Variants in GPATCH2L observed in about 807,000 individuals in gnomAD.
GPATCH2L encodes the protein G patch domain-containing protein 2-like.
In GPATCH2L, 31 loss-of-function variants were observed where a neutral mutation model predicts 57.4. The ratio of observed to expected loss-of-function variants is 0.54; its 90% CI spans 0.41 to 0.73. The LOEUF is 0.73. GPATCH2L is among the 30% of genes least tolerant of loss of function. The probability of loss-of-function intolerance (pLI) is 0.00; values close to 1 mark genes in which losing one functional copy is unlikely to be tolerated. For synonymous variants in GPATCH2L, 199 were observed against 210.7 expected (o/e 0.94, Z 0.48); for missense variants, 481 against 599.9 (o/e 0.80, Z 2.07).
chr14:76,155,078 T>G, intron 2 of GPATCH2L, 53 bp downstream of exon 2: 1 of 1,448,430 alleles, frequency 6.9e-7, no homozygotes, highest in Non-Finnish European at 9.4e-7. Context: ...TTTCCCAAAG[T>G]GCACATCCAT....
At chr14:76,196,698 A>T (rs1236143522) in intron 9 of GPATCH2L, 1 of 152,272 alleles carries the variant, frequency 6.6e-6, no homozygotes, top group Non-Finnish European at 1.5e-5. Flanking sequence ...TGTATTTATT[A>T]ATATTTCAGT....
chr14:76,185,151 G>T (rs575491647), intron 8 of GPATCH2L, among the ~76,000 whole-genome samples: 5 of 152,160 alleles, frequency 3.3e-5, no homozygotes, highest in Non-Finnish European at 5.9e-5. Context: ...TTTGTCAGGT[G>T]GATATATGGA....
chr14:76,185,221 T>A (rs1294722373), intron 8 of GPATCH2L, among the ~76,000 whole-genome samples: 1 of 152,132 alleles, frequency 6.6e-6, no homozygotes, highest in East Asian at 1.9e-4. Context: ...TTTGGTTTGG[T>A]TGTTTTGGTT....
intron 8 of GPATCH2L, among the ~76,000 whole-genome samples, chr14:76,184,362 C>T (rs2039691060): frequency 6.6e-6 from 1 of 152,082 alleles, no homozygotes; most frequent in Non-Finnish European, 1.5e-5. Flanking sequence ...AAGGTTCCCT[C>T]CTGTCAGGTT....
intron 8 of GPATCH2L, among the ~76,000 whole-genome samples, chr14:76,189,547 A>AT (rs758707253): frequency 3.7e-4 from 57 of 152,060 alleles, no homozygotes; most frequent in Non-Finnish European, 5.9e-4. Context: ...TTTTGTGTTG[A>AT]TTTTTTATCT....
chr14:76,200,583 A>C (rs2040285655), intron 9 of GPATCH2L, among the ~76,000 whole-genome samples: 1 of 151,950 alleles, frequency 6.6e-6, no homozygotes, highest in South Asian at 2.1e-4. Context: ...CCCTCAAGAA[A>C]CTCTTGTATA....
At chr14:76,171,050 G>A (rs78598381) in intron 3 of GPATCH2L, among the ~76,000 whole-genome samples, 2,251 of 152,154 alleles carry the variant, frequency 0.015, 57 homozygotes, top group African/African-American at 0.052. Context: ...CTATTAAAGC[G>A]GTCCAGTCTA....
intron 2 of GPATCH2L, among the ~76,000 whole-genome samples, chr14:76,163,446 C>T (rs189234002): frequency 6.6e-6 from 1 of 152,006 alleles, no homozygotes; most frequent in East Asian, 1.9e-4. Context: ...AGTAGTGCCT[C>T]CTCTCTTTTG....
At chr14:76,191,198 C>T (rs2039950778) in intron 8 of GPATCH2L, among the ~76,000 whole-genome samples, 2 of 151,996 alleles carry the variant, frequency 1.3e-5, no homozygotes, top group East Asian at 1.9e-4. Context: ...AACAGTGATG[C>T]TTTCAAAGTA....
intron 8 of GPATCH2L, among the ~76,000 whole-genome samples, chr14:76,189,646 C>A (rs969765151): frequency 6.6e-6 from 1 of 152,082 alleles, no homozygotes; most frequent in African/African-American, 2.4e-5. Context: ...CATCTACAAA[C>A]AAGGATACTT....
At position 76,226,803 on chromosome 14, in the gene GPATCH2L, G is replaced by A. The variant is rs866942340; in HGVS notation, c.66-3005G>A. 5.3e-5 allele frequency among the ~76,000 whole-genome samples: 8 copies of A among 152,230 alleles called. No homozygotes were observed. In the Middle Eastern group the frequency reaches 0.01, roughly 194 times the overall value. On this transcript the variant is annotated intron_variant and NMD_transcript_variant, in intron 1 of 3. Transcript: ENST00000556372. ...AAGTAAATCTCTCTTCTTTGTAAAC[G>A]ACCCAGTCTCAGGTGTTCTGTTATA...
At chr14:76,233,419 G>A (rs1049756752) in intron 2 of GPATCH2L, among the ~76,000 whole-genome samples, 3 of 152,140 alleles carry the variant, frequency 2.0e-5, no homozygotes, top group Non-Finnish European at 2.9e-5. Flanking sequence ...GATTACAAAT[G>A]AGGGAAAATA....
chr14:76,159,738 C>T (rs79568696), intron 2 of GPATCH2L, among the ~76,000 whole-genome samples: 2,945 of 152,224 alleles, frequency 0.019, 62 homozygotes, highest in South Asian at 0.076. Context: ...GGACTCAATA[C>T]CCTATAACTG....
intron 3 of GPATCH2L, 67 bp downstream of exon 3, chr14:76,166,794 G>A: frequency 9.3e-7 from 1 of 1,080,384 alleles, no homozygotes; most frequent in Non-Finnish European, 1.4e-6. Context: ...AATCATAGGA[G>A]TGACTCATGG....
At chr14:76,221,146 G>T (rs2040513350) in intron 1 of GPATCH2L, among the ~76,000 whole-genome samples, 1 of 137,134 alleles carries the variant, frequency 7.3e-6, no homozygotes, top group Non-Finnish European at 1.6e-5. Flanking sequence ...ACTGTAAAAA[G>T]AACTCTTAAA....
rs956884426 is a variant in GPATCH2L, at chr14:76,202,119, A to G, written c.*268A>G. ...TTGTTACCTTGTTATTGCTGTCTCAACATTTACTACAGCTCCATTTACAGA... is the reference window on the plus strand; with the variant it reads ...TTGTTACCTTGTTATTGCTGTCTCAGCATTTACTACAGCTCCATTTACAGA... On this transcript the variant is annotated 3_prime_UTR_variant, in exon 10 of 10. Transcript: ENST00000261530. The G allele has an allele frequency of 3.6e-5, 10 of 280,692 alleles. No individual in the cohort carries two copies. Among genetic ancestry groups the G allele is most frequent in the African/African-American group, 1.8e-4 (8 of 45,510 alleles). The allele number at this position is 280,692 out of a possible 1,614,324, so 17.4% of individuals were successfully genotyped here. A position where few individuals can be genotyped will look rare whatever the true frequency, so the allele number is the denominator to read the frequency against.
intron 8 of GPATCH2L, among the ~76,000 whole-genome samples, chr14:76,194,534 T>G (rs1366954296): frequency 6.7e-6 from 1 of 149,840 alleles, no homozygotes; most frequent in African/African-American, 2.5e-5. Flanking sequence ...CACGCATGCA[T>G]GCACCCTTTT....
At chr14:76,161,349 A>G (rs1402725138) in intron 2 of GPATCH2L, among the ~76,000 whole-genome samples, 2 of 152,258 alleles carry the variant, frequency 1.3e-5, no homozygotes, top group East Asian at 1.9e-4. Flanking sequence ...ATTAGATGCA[A>G]AAAACACCTC....
intron 9 of GPATCH2L, among the ~76,000 whole-genome samples, chr14:76,200,377 A>G (rs747888711): frequency 1.3e-5 from 2 of 152,162 alleles, no homozygotes; most frequent in African/African-American, 2.4e-5. Flanking sequence ...TTTCTAGGGT[A>G]GTGCTTTTTT....
Sources: allele counts gnomAD v4.1 joint callset (sites outside exome capture counted in the v4.1 genomes callset), GRCh38; gene constraint gnomAD v4.1.1; transcripts MANE v1.5; gene names NCBI Gene and HGNC (gene_info 2026-07-23, HGNC 2026-07-21).